Variants in TJP1 observed in about 807,000 individuals in gnomAD.
TJP1 encodes tight junction protein 1.
A neutral mutation model predicts 194.2 loss-of-function variants in TJP1; 43 were observed. That is an observed-to-expected ratio of 0.22 (90% confidence interval 0.17 to 0.29). The LOEUF is 0.29. TJP1 is among the 10% of genes least tolerant of loss of function. TJP1 has a pLI of 1.00. For missense variants in TJP1, 1,971 were observed against 2,185.7 expected (o/e 0.90, Z 1.96); for synonymous variants, 801 against 779.0 (o/e 1.03, Z -0.47).
intron 2 of TJP1, among the ~76,000 whole-genome samples, chr15:29,776,568 C>T (rs1204702049): frequency 2.6e-5 from 4 of 152,072 alleles, no homozygotes; most frequent in African/African-American, 9.7e-5. Context: ...AGTTTGAAAC[C>T]ATATCATTCA....
chr15:29,967,778 T>G (rs1359790390), intron 1 of TJP1, among the ~76,000 whole-genome samples: 1 of 152,224 alleles, frequency 6.6e-6, no homozygotes, highest in African/African-American at 2.4e-5. Flanking sequence ...CTCTACAACC[T>G]TAGGATTAAA....
chr15:29,805,302 C>T (rs1186419956), intron 1 of TJP1, among the ~76,000 whole-genome samples: 1 of 152,206 alleles, frequency 6.6e-6, no homozygotes, highest in Non-Finnish European at 1.5e-5. Context: ...ACTTCAGATC[C>T]CAGTTCTAGG....
At chr15:29,968,295 C>T (rs2056399295) in intron 1 of TJP1, 1 of 985,148 alleles carries the variant, frequency 1.0e-6, no homozygotes, top group African/African-American at 1.7e-5. Context: ...GCTGTCTCCG[C>T]GAGAGCCTGG....
chr15:29,822,511 G>A (rs897462710), upstream of TJP1: 1 of 984,698 alleles, frequency 1.0e-6, no homozygotes, highest in Non-Finnish European at 1.2e-6. Context: ...CCGGCCCGGC[G>A]GGGGCGGGGC....
At chr15:29,710,469 A>G (rs1244862134) in intron 24 of TJP1, among the ~76,000 whole-genome samples, 1 of 152,222 alleles carries the variant, frequency 6.6e-6, no homozygotes, top group Non-Finnish European at 1.5e-5. Context: ...TGTAAATGCA[A>G]AAGTCAAGGT....
At chr15:29,839,200 G>C (rs1385840890) in intron 2 of TJP1, among the ~76,000 whole-genome samples, 5 of 151,802 alleles carry the variant, frequency 3.3e-5, no homozygotes, top group African/African-American at 1.2e-4. Context: ...AGGTTTCCCT[G>C]TGTTAGCCAG....
chr15:29,727,566 C>T (rs561184108), intron 16 of TJP1, among the ~76,000 whole-genome samples: 6 of 152,232 alleles, frequency 3.9e-5, no homozygotes, highest in Admixed American at 6.5e-5. Context: ...GCCCTAACAC[C>T]GCAATCTGAC....
intron 8 of TJP1, among the ~76,000 whole-genome samples, chr15:29,750,042 T>C (rs2045149880): frequency 6.6e-6 from 1 of 151,086 alleles, no homozygotes; most frequent in South Asian, 2.1e-4. Context: ...AGTCTCGGTC[T>C]GTCACCCAGG....
At chr15:29,921,886 C>A (rs1403551031) in intron 2 of TJP1, among the ~76,000 whole-genome samples, 1 of 148,934 alleles carries the variant, frequency 6.7e-6, no homozygotes, top group Non-Finnish European at 1.5e-5. Flanking sequence ...CTCTCGTTGC[C>A]CAGGCTGGAG....
intron 1 of TJP1, among the ~76,000 whole-genome samples, chr15:29,967,287 C>T (rs1191066839): frequency 2.0e-5 from 3 of 151,844 alleles, no homozygotes; most frequent in South Asian, 2.1e-4. Flanking sequence ...ACGCCTGCCT[C>T]GACCTCCCAT....
At chr15:29,879,695 T>C (rs1046331351) in intron 2 of TJP1, among the ~76,000 whole-genome samples, 1 of 148,046 alleles carries the variant, frequency 6.8e-6, no homozygotes, top group Non-Finnish European at 1.5e-5. Context: ...CTTTCGCATA[T>C]AGCTTAGACT....
chr15:29,819,283 C>T lies in TJP1; in HGVS notation c.27+2719G>A, dbSNP rs114781933. Among the ~76,000 whole-genome samples the T allele has an allele frequency of 5.0e-3, 766 of 152,270 alleles. 6 individuals are homozygous for T. The highest frequency in any genetic ancestry group is 0.017 in the African/African-American group (710 of 41,542). ...CACCATACATTGAACAAGCCACTTT[C>T]TCCAATAGTCTACAATATTATTTTT... On this transcript the variant is annotated intron_variant, in intron 1 of 27. Transcript: ENST00000614355.
chr15:29,716,548 T>C (rs2042574008), intron 23 of TJP1, 63 bp downstream of exon 23: 9 of 1,223,806 alleles, frequency 7.4e-6, no homozygotes, highest in African/African-American at 1.5e-5. Context: ...CTTCAAAATA[T>C]ATTGAACTGC....
intron 2 of TJP1, among the ~76,000 whole-genome samples, chr15:29,833,881 A>ATATATATATATTTTT (rs1555434000): frequency 7.9e-5 from 1 of 12,616 alleles, no homozygotes; most frequent in Non-Finnish European, 1.4e-4. Context: ...ATATATATAT[A>ATATATATATATTTTT]TTTTTTTTTT....
intron 2 of TJP1, among the ~76,000 whole-genome samples, chr15:29,833,881 A>ATTTTTTTTTTTTTTTTTTTTT: frequency 7.9e-5 from 1 of 12,614 alleles, no homozygotes; most frequent in Non-Finnish European, 1.4e-4. Context: ...ATATATATAT[A>ATTTTTTTTTTTTTTTTTTTTT]TTTTTTTTTT....
At chr15:29,890,846 G>A (rs2053282488) in intron 2 of TJP1, among the ~76,000 whole-genome samples, 1 of 151,980 alleles carries the variant, frequency 6.6e-6, no homozygotes, top group Non-Finnish European at 1.5e-5. Context: ...GCCAGAGAGT[G>A]AAAGCTATAA....
chr15:29,793,325 T>C (rs1366449213), intron 2 of TJP1, among the ~76,000 whole-genome samples: 2 of 152,240 alleles, frequency 1.3e-5, no homozygotes, highest in African/African-American at 4.8e-5. Flanking sequence ...TGAATTTTAC[T>C]GAATACTTTT....
At chr15:29,711,849 C>G (rs909244692) in intron 23 of TJP1, among the ~76,000 whole-genome samples, 1 of 152,202 alleles carries the variant, frequency 6.6e-6, no homozygotes, top group Non-Finnish European at 1.5e-5. Context: ...AGCCTTGAAG[C>G]AGCCACAGAC....
chr15:29,804,415 T>C (rs890735329), intron 1 of TJP1, among the ~76,000 whole-genome samples: 1 of 152,206 alleles, frequency 6.6e-6, no homozygotes, highest in African/African-American at 2.4e-5. Context: ...GAGACATTTT[T>C]AGTACCAGTA....
Sources: allele counts gnomAD v4.1 joint callset (sites outside exome capture counted in the v4.1 genomes callset), GRCh38; gene constraint gnomAD v4.1.1; transcripts MANE v1.5; gene names NCBI Gene and HGNC (gene_info 2026-07-23, HGNC 2026-07-21).